Variants in MAST1 observed in about 807,000 individuals in gnomAD.
MAST1 encodes microtubule-associated serine/threonine-protein kinase 1.
MAST1 carries 40 observed loss-of-function variants against 124.6 expected under a neutral mutation model. The observed-to-expected ratio is 0.32, with a 90% CI of 0.25 to 0.42. MAST1 has a LOEUF of 0.42. Ranked by LOEUF, MAST1 falls within the 10% of genes least tolerant of loss-of-function variation. The pLI is 1.00. For missense variants in MAST1, 1,558 were observed against 2,181.9 expected, an observed-to-expected ratio of 0.71 and a Z score of 5.70; for synonymous variants, 938 against 939.4, an observed-to-expected ratio of 1.00 and a Z score of 0.03.
In MAST1 at chr19:12,864,173, C is replaced by T. The variant is rs551878052; in HGVS notation, c.1367-636C>T. Among the ~76,000 whole-genome samples the T allele has an allele frequency of 6.5e-4, 99 of 152,114 alleles. 1 individual carries two copies. The highest frequency in any genetic ancestry group is 1.2e-3 in the Non-Finnish European group (80 of 67,986). On this transcript the variant is annotated intron_variant, in intron 12 of 25. Coordinates refer to ENST00000251472, the MANE Select transcript of MAST1 (RefSeq NM_014975.3). The stretch of plus-strand genomic sequence containing the variant: ...AACTCCTGACCTCAAGTGATCCACC[C>T]GCCTTGGCTTCCCAAAGTGCTGGGA...
chr19:12,845,543 C>T (rs149233132), intron 4 of MAST1, among the ~76,000 whole-genome samples: 1 of 151,350 alleles, frequency 6.6e-6, no homozygotes, highest in African/African-American at 2.4e-5. Flanking sequence ...GAGGTCGAGC[C>T]ACTGCACTCC....
rs747576995 is a variant in MAST1, at chr19:12,874,898, A to G, written c.*28A>G. ...AAGGGGGTCATCGGCCCCGCGCTGT[A>G]CAGCCTCCGTATACATATGTACACA... On this transcript the variant is annotated 3_prime_UTR_variant, in exon 26 of 26. Coordinates refer to ENST00000251472, the MANE Select transcript of MAST1 (RefSeq NM_014975.3). This position sits in a 1 kb window ranked among gnomAD's most constrained non-coding sequence, Gnocchi z 6.6. 1 of 1,573,448 alleles carries G rather than the reference A, an allele frequency of 6.4e-7. No individual in the cohort carries two copies. The highest frequency in any genetic ancestry group is 8.6e-7 in the Non-Finnish European group (1 of 1,164,290).
chr19:12,872,272 T>G (rs1430777203), intron 24 of MAST1, among the ~76,000 whole-genome samples: 1 of 152,002 alleles, frequency 6.6e-6, no homozygotes, highest in Admixed American at 6.6e-5. Flanking sequence ...TGTTTGTTTG[T>G]TTTTAGTATT....
At chr19:12,869,402 A>G in intron 22 of MAST1, 107 bp downstream of exon 22, 1 of 814,338 alleles carries the variant, frequency 1.2e-6, no homozygotes, top group Admixed American at 2.3e-5. Context: ...GTGACCCTCT[A>G]TGCCTCTTCC....
At chr19:12,857,801 G>C (rs1411862743) in intron 10 of MAST1, among the ~76,000 whole-genome samples, 3 of 152,110 alleles carry the variant, frequency 2.0e-5, no homozygotes, top group Non-Finnish European at 4.4e-5. Context: ...GCCAAGGCAG[G>C]CAGATTGCTT....
intron 12 of MAST1, among the ~76,000 whole-genome samples, chr19:12,860,002 C>T (rs967769353): frequency 4.6e-5 from 7 of 151,884 alleles, no homozygotes; most frequent in African/African-American, 1.5e-4. Context: ...GAGCCCATCC[C>T]ATATACCTGT....
intron 2 of MAST1, among the ~76,000 whole-genome samples, 180 bp downstream of exon 2, chr19:12,840,714 GGGGCGGAGACTCAGGT>G (rs1261114806): frequency 4.0e-5 from 6 of 151,836 alleles, no homozygotes; most frequent in South Asian, 2.1e-4. Context: ...CGGTCATTGG[GGGGCGGAGACTCAGGT>G]GGGCGGAGAC....
intron 21 of MAST1, 84 bp downstream of exon 21, chr19:12,868,933 G>A (rs572296076): frequency 1.3e-6 from 2 of 1,547,154 alleles, no homozygotes; most frequent in Admixed American, 1.8e-5. Flanking sequence ...CATTTTCCCT[G>A]TCCACCGTGA....
Position 12,865,243 on chromosome 19 carries a change from G to T in MAST1, c.1638+65G>T. On this transcript the variant is annotated intron_variant, in intron 14 of 25. Coordinates refer to ENST00000251472, the MANE Select transcript of MAST1 (RefSeq NM_014975.3). This position sits in a 1 kb window ranked among gnomAD's most constrained non-coding sequence, Gnocchi z 7.1. Reference sequence around the variant, plus strand: ...CCCTGCAGGACCTCGGGAACCCAGGGCCTGGTGGGGGGCACAGCTCTCCCT... The same window carrying T: ...CCCTGCAGGACCTCGGGAACCCAGGTCCTGGTGGGGGGCACAGCTCTCCCT... 1.3e-6 allele frequency: 2 copies of T among 1,589,600 alleles called. No homozygotes were observed. Among genetic ancestry groups the T allele is most frequent in the Non-Finnish European group, 1.7e-6 (2 of 1,166,774 alleles).
chr19:12,871,273 G>A (rs1970230758), intron 24 of MAST1, 101 bp downstream of exon 24: 2 of 1,526,602 alleles, frequency 1.3e-6, no homozygotes, highest in African/African-American at 1.4e-5. Context: ...GGGAAAGGTG[G>A]CGGGAACAAA....
At chr19:12,846,870 C>CAA (rs386388580) in intron 4 of MAST1, among the ~76,000 whole-genome samples, 9,434 of 46,584 alleles carry the variant, frequency 0.2, 1,024 homozygotes, top group East Asian at 0.48. Context: ...AACTCCATCT[C>CAA]AAAAAAAAAA....
rs1164059733 is a variant in MAST1, at chr19:12,843,152, T to C, written c.249-377T>C. Reference sequence around the variant, plus strand: ...AGAACATGTTGGGGGGTGGGACGGGTCTTTTTTCTCTGAGAAGATCCAAGG... The same window carrying C: ...AGAACATGTTGGGGGGTGGGACGGGCCTTTTTTCTCTGAGAAGATCCAAGG... On this transcript the variant is annotated intron_variant, in intron 3 of 25. Coordinates refer to ENST00000251472, the MANE Select transcript of MAST1 (RefSeq NM_014975.3). The surrounding 1 kb of genome is among the most constrained non-coding windows in gnomAD (Gnocchi z 4.9). Among the ~76,000 whole-genome samples, 4 of 151,772 alleles carry C rather than the reference T, an allele frequency of 2.6e-5. No individual in the cohort carries two copies. Among genetic ancestry groups the C allele is most frequent in the Middle Eastern group, 3.4e-3 (1 of 294 alleles).
Position 12,866,534 on chromosome 19 carries a change from G to A in MAST1, c.2030-119G>A, listed in dbSNP as rs2145908312. The A allele has an allele frequency of 1.5e-6, 1 of 669,538 alleles. No individual in the cohort carries two copies. The highest frequency in any genetic ancestry group is 2.7e-5 in the East Asian group (1 of 36,482). 41.5% of individuals were successfully genotyped at this position (669,538 alleles called of 1,614,324 possible). A position where few individuals can be genotyped will look rare whatever the true frequency, so the allele number is the denominator to read the frequency against. The stretch of plus-strand genomic sequence containing the variant: ...CTAAATTAAATACACTAATGAGGCA[G>A]GGGCGTGGCCTGACCTGAAGACTTG... On this transcript the variant is annotated intron_variant, in intron 17 of 25. Transcript: ENST00000251472. The surrounding 1 kb of genome is among the most constrained non-coding windows in gnomAD (Gnocchi z 5.2).
Position 12,841,220 on chromosome 19 carries a change from C to T in MAST1, c.248+154C>T, listed in dbSNP as rs552807357. Among the ~76,000 whole-genome samples the T allele has an allele frequency of 6.6e-6, 1 of 152,114 alleles. No homozygotes were observed. The highest frequency in any genetic ancestry group is 6.5e-5 in the Admixed American group (1 of 15,294). ...GTCTCAGCGGGAAGGAGCGCCTAGC[C>T]TTCGGGGCGGGGCCTATAAGAAGGC... On this transcript the variant is annotated intron_variant, in intron 3 of 25. Coordinates refer to ENST00000251472, the MANE Select transcript of MAST1 (RefSeq NM_014975.3). This position sits in a 1 kb window ranked among gnomAD's most constrained non-coding sequence, Gnocchi z 4.3.
chr19:12,867,927 A>T lies in MAST1; in HGVS notation c.2516A>T (p.Lys839Ile). ...PAGSLDARAP[K>I]EETQGEGTSS... ...GGATCCCTGGATGCACGGGCCCCCA[A>T]AGAGGAGACTCAAGGGGAAGGCACC... Residue 839 changes from lysine (K) to isoleucine (I), a missense_variant, in exon 20 of 26, where the codon AAA becomes ATA. Transcript: ENST00000251472. 1 of 1,594,710 alleles carries T rather than the reference A, an allele frequency of 6.3e-7. No individual in the cohort carries two copies.
Position 12,869,313 on chromosome 19 carries a change from G to T in MAST1, c.3003+18G>T. 1 of 1,601,168 alleles carries T rather than the reference G, an allele frequency of 6.2e-7. No individual in the cohort carries two copies. Among genetic ancestry groups the T allele is most frequent in the East Asian group, 2.3e-5 (1 of 44,368 alleles). ...TTGTCTGGGTGAGTACTCATGGGTG[G>T]AGTCTCCATCACAGAGTGGAGGGTG... On this transcript the variant is annotated intron_variant, in intron 22 of 25. Transcript: ENST00000251472.
Position 12,874,405 on chromosome 19 carries a change from G to A in MAST1, c.4248G>A (p.Gln1416=). 6.3e-7 allele frequency: 1 copy of A among 1,598,932 alleles called. No individual in the cohort carries two copies. The highest frequency in any genetic ancestry group is 8.5e-7 in the Non-Finnish European group (1 of 1,179,168). Residue 1416 remains glutamine, a synonymous_variant, in exon 26 of 26, where the codon CAG becomes CAA. Transcript: ENST00000251472. The surrounding 1 kb of genome is among the most constrained non-coding windows in gnomAD (Gnocchi z 6.6). The stretch of plus-strand genomic sequence containing the variant: ...CCAAGGCGGCGCTGAGCCCGGTGCA[G>A]GAACACGAGACAGGCCGGCGCAGCA... ...AVAKAALSPV[Q]EHETGRRSSS...
At chr19:12,870,225 C>T (rs1970214400) in intron 22 of MAST1, among the ~76,000 whole-genome samples, 1 of 118,276 alleles carries the variant, frequency 8.5e-6, no homozygotes, top group African/African-American at 3.2e-5. Context: ...CGCGGTGGCT[C>T]ACGCCTGTAA....
rs938948481 is a variant in MAST1, at chr19:12,870,689, A to C, written c.3004-135A>C. The C allele has an allele frequency of 5.2e-6, 4 of 767,138 alleles. No individual in the cohort carries two copies. In the South Asian group the frequency reaches 1.2e-4, roughly 23 times the overall value. 47.5% of individuals were successfully genotyped at this position (767,138 alleles called of 1,614,324 possible). ...AAAAAAAAAAAAAAAATGTGGGGGG[A>C]GGAATAATAACTATTTCACAAGGTG... On this transcript the variant is annotated intron_variant, in intron 22 of 25. Coordinates refer to ENST00000251472, the MANE Select transcript of MAST1 (RefSeq NM_014975.3).
Sources: gnomAD v4.1 joint callset for allele counts (sites outside exome capture counted in the v4.1 genomes callset) on GRCh38, gnomAD v4.1.1 for gene constraint, Gnocchi (gnomAD v3.1) non-coding constraint, MANE v1.5 for transcripts, NCBI Gene and HGNC (gene_info 2026-07-23, HGNC 2026-07-21) for gene names.